Variants in PCDHGA2 observed in about 807,000 individuals in gnomAD.
PCDHGA2 encodes protocadherin gamma-A2.
Under a neutral mutation model 59.2 loss-of-function variants are expected in PCDHGA2, and 40 were observed. The ratio of observed to expected loss-of-function variants is 0.68; its 90% CI spans 0.52 to 0.88. The LOEUF is 0.88. PCDHGA2 is among the 40% of genes least tolerant of loss of function. The pLI is 0.00. For synonymous variants in PCDHGA2, 560 were observed against 526.0 expected (o/e 1.06, Z -0.89); for missense variants, 1,226 against 1,204.0 (o/e 1.02, Z -0.27).
intron 1 of PCDHGA2, among the ~76,000 whole-genome samples, chr5:141,482,089 C>CAA (rs36035257): frequency 1.0e-3 from 137 of 134,516 alleles, no homozygotes; most frequent in African/African-American, 1.5e-3. Context: ...CACTCCATCT[C>CAA]AAAAAAAAAA....
At chr5:141,418,441 A>T in intron 1 of PCDHGA2, 2 of 1,614,000 alleles carry the variant, frequency 1.2e-6, no homozygotes, top group East Asian at 4.5e-5. Flanking sequence ...ATCCAGAATT[A>T]GTATTGCAGA....
chr5:141,344,227 G>T (rs1757387656), intron 1 of PCDHGA2: 1 of 1,614,052 alleles, frequency 6.2e-7, no homozygotes, highest in South Asian at 1.1e-5. Context: ...CGCGGAGTCC[G>T]CATCGTCTCC....
chr5:141,371,207 G>A, intron 1 of PCDHGA2: 1 of 1,613,764 alleles, frequency 6.2e-7, no homozygotes, highest in African/African-American at 1.3e-5. Context: ...ACATGGATGA[G>A]GGCATCAATG....
Position 141,420,299 on chromosome 5 carries a change from T to A in PCDHGA2, c.2425-74508T>A, listed in dbSNP as rs377297222. On this transcript the variant is annotated intron_variant, in intron 1 of 3. Coordinates refer to ENST00000394576, the MANE Select transcript of PCDHGA2 (RefSeq NM_018915.4). Reference sequence around the variant, plus strand: ...GGTAAGTATTTAAAAATGTATTTAATCCTTTTTATATTACAATATGCCAAT... The same window carrying A: ...GGTAAGTATTTAAAAATGTATTTAAACCTTTTTATATTACAATATGCCAAT... 6.8e-6 allele frequency: 10 copies of A among 1,465,980 alleles called. No homozygotes were observed. The African/African-American group carries it at 1.4e-4, about 21-fold the overall frequency. 90.8% of individuals were successfully genotyped at this position (1,465,980 alleles called of 1,614,324 possible). A position where few individuals can be genotyped will look rare whatever the true frequency, so the allele number is the denominator to read the frequency against.
intron 1 of PCDHGA2, chr5:141,427,842 C>A: frequency 6.5e-7 from 1 of 1,549,268 alleles, no homozygotes. Flanking sequence ...TGCCTTCGAC[C>A]ACGAGCAGCT....
chr5:141,340,016 A>T lies in PCDHGA2; in HGVS notation c.1045A>T (p.Met349Leu). The change falls in exon 1 of 4, where the codon ATG (methionine) becomes TTG (leucine). Residue 349 changes from methionine to leucine, a missense_variant. By Grantham distance (15) the Met-to-Leu change is conservative (BLOSUM62 2). Coordinates refer to ENST00000394576, the MANE Select transcript of PCDHGA2 (RefSeq NM_018915.4). ...DVNDNAPEFY[M>L]TSATSSVSED... ...GAATGACAATGCCCCAGAATTTTAC[A>T]TGACATCTGCTACTAGCTCAGTTTC... 1 of 1,614,194 alleles carries T rather than the reference A, an allele frequency of 6.2e-7. No individual in the cohort carries two copies. The highest frequency in any genetic ancestry group is 8.5e-7 in the Non-Finnish European group (1 of 1,180,026).
At chr5:141,394,689 G>A (rs1354749268) in intron 1 of PCDHGA2, 4 of 1,612,344 alleles carry the variant, frequency 2.5e-6, no homozygotes, top group Non-Finnish European at 3.4e-6. Flanking sequence ...CACGGGCGAG[G>A]TGCGCACGGC....
At chr5:141,437,312 G>T (rs2097875410) in intron 1 of PCDHGA2, among the ~76,000 whole-genome samples, 1 of 152,176 alleles carries the variant, frequency 6.6e-6, no homozygotes, top group South Asian at 2.1e-4. Context: ...AAAGCGTTCA[G>T]CTATAATTTA....
At chr5:141,380,735 C>G (rs973708229) in intron 1 of PCDHGA2, among the ~76,000 whole-genome samples, 6 of 152,066 alleles carry the variant, frequency 3.9e-5, no homozygotes, top group Admixed American at 3.3e-4. Flanking sequence ...TTCCTTTTCT[C>G]CAAAGAAGGT....
intron 1 of PCDHGA2, among the ~76,000 whole-genome samples, chr5:141,359,411 G>T (rs1467965013): frequency 6.6e-6 from 1 of 151,822 alleles, no homozygotes; most frequent in Non-Finnish European, 1.5e-5. Context: ...TTTAAAAAAT[G>T]TGTTTTTGTT....
chr5:141,409,480 C>A, intron 1 of PCDHGA2: 1 of 1,614,002 alleles, frequency 6.2e-7, no homozygotes, highest in Non-Finnish European at 8.5e-7. Flanking sequence ...TAGCCACTGA[C>A]AGGGGCAAGC....
intron 1 of PCDHGA2, chr5:141,410,146 C>G: frequency 6.2e-7 from 1 of 1,612,390 alleles, no homozygotes. Flanking sequence ...CTGTGCGTGA[C>G]GGTGGACAGC....
intron 3 of PCDHGA2, among the ~76,000 whole-genome samples, chr5:141,507,805 G>C (rs2099863746): frequency 6.6e-6 from 1 of 152,204 alleles, no homozygotes; most frequent in Non-Finnish European, 1.5e-5. Flanking sequence ...TGCGCCCTGG[G>C]GAACGGACCC....
Position 141,491,030 on chromosome 5 carries a change from C to T in PCDHGA2, c.2425-3777C>T. ...GTCACCAAGGTGACAGCCGTGGATG[C>T]TGATGCAGGCCACAATGCGTGGCTC... On this transcript the variant is annotated intron_variant, in intron 1 of 3. Transcript: ENST00000394576. The surrounding 1 kb of genome is among the most constrained non-coding windows in gnomAD (Gnocchi z 6.9). 6.2e-7 allele frequency: 1 copy of T among 1,614,148 alleles called. No individual in the cohort carries two copies. Among genetic ancestry groups the T allele is most frequent in the South Asian group, 1.1e-5 (1 of 91,088 alleles).
intron 1 of PCDHGA2, chr5:141,427,753 T>A (rs745532152): frequency 4.5e-6 from 6 of 1,322,510 alleles, no homozygotes; most frequent in Non-Finnish European, 6.4e-6. Flanking sequence ...TACTCCATCG[T>A]TACCACTGAC....
At chr5:141,357,677 T>G (rs1371752128) in intron 1 of PCDHGA2, 1 of 1,583,726 alleles carries the variant, frequency 6.3e-7, no homozygotes. Context: ...AAGAGTTGTG[T>G]AAATGTCTCT....
Position 141,408,922 on chromosome 5 carries a change from G to A in PCDHGA2, c.2424+67527G>A, listed in dbSNP as rs762449366. ...TCAAGGATACCAATGATAACCCCCC[G>A]GTTTTCAGCAGAGACGAATATAGAA... On this transcript the variant is annotated intron_variant, in intron 1 of 3. Coordinates refer to ENST00000394576, the MANE Select transcript of PCDHGA2 (RefSeq NM_018915.4). 3.7e-6 allele frequency: 6 copies of A among 1,613,104 alleles called. No homozygotes were observed. In the Admixed American group the frequency reaches 8.3e-5, roughly 22 times the overall value.
chr5:141,431,424 G>T lies in PCDHGA2; in HGVS notation c.2425-63383G>T, dbSNP rs747132868. 6.8e-6 allele frequency: 11 copies of T among 1,613,676 alleles called. No homozygotes were observed. The highest frequency in any genetic ancestry group is 5.9e-6 in the Non-Finnish European group (7 of 1,180,028). On this transcript the variant is annotated intron_variant, in intron 1 of 3. Coordinates refer to ENST00000394576, the MANE Select transcript of PCDHGA2 (RefSeq NM_018915.4). The surrounding 1 kb of genome is among the most constrained non-coding windows in gnomAD (Gnocchi z 4.8). ...GCCTCCGACGGGGGCGACCCGGTGC[G>T]CACAGGCACCGCGCGCATCCGCGTG...
intron 1 of PCDHGA2, among the ~76,000 whole-genome samples, chr5:141,346,851 C>A (rs976506085): frequency 3.3e-5 from 5 of 152,082 alleles, no homozygotes; most frequent in Non-Finnish European, 7.4e-5. Context: ...ATTTTAAATC[C>A]CTGTGCTTTG....
Sources: allele counts gnomAD v4.1 joint callset (sites outside exome capture counted in the v4.1 genomes callset), GRCh38; gene constraint gnomAD v4.1.1; non-coding constraint Gnocchi (gnomAD v3.1); transcripts MANE v1.5; gene names NCBI Gene and HGNC (gene_info 2026-07-23, HGNC 2026-07-21).